SOX5: variants seen among roughly 807,000 people sequenced by gnomAD.
SOX5 encodes transcription factor SOX-5.
A neutral mutation model predicts 92.0 loss-of-function variants in SOX5; 9 were observed. The ratio of observed to expected loss-of-function variants is 0.10; its 90% CI spans 0.06 to 0.17. SOX5 has a LOEUF of 0.17. SOX5 is among the 10% of genes least tolerant of loss of function. SOX5 has a pLI of 1.00. For missense variants in SOX5, 642 were observed against 944.5 expected, an observed-to-expected ratio of 0.68 and a Z score of 4.20; for synonymous variants, 344 against 336.3, an observed-to-expected ratio of 1.02 and a Z score of -0.25.
intron 7 of SOX5, among the ~76,000 whole-genome samples, chr12:23,653,738 T>G (rs2081975813): frequency 6.6e-6 from 1 of 152,080 alleles, no homozygotes; most frequent in South Asian, 2.1e-4. Context: ...TATAAGGACT[T>G]TGCCCTCATG....
In SOX5 at chr12:23,572,340, C is replaced by G. The variant is rs186532863; in HGVS notation, c.1342+3321G>C. Among the ~76,000 whole-genome samples, 880 of 152,066 alleles carry G rather than the reference C, an allele frequency of 5.8e-3. 11 individuals are homozygous for G. Among genetic ancestry groups the G allele is most frequent in the African/African-American group, 0.02 (837 of 41,472 alleles). ...CAGCTTTTATCCAACTACATTATTA[C>G]TCATTAAAGTTTCAGCTTTCAACAT... On this transcript the variant is annotated intron_variant, in intron 10 of 14. Coordinates refer to ENST00000451604, the MANE Select transcript of SOX5 (RefSeq NM_006940.6).
chr12:24,474,756 G>A (rs11613878), intron 1 of SOX5, among the ~76,000 whole-genome samples: 8,815 of 151,896 alleles, frequency 0.058, 304 homozygotes, highest in African/African-American at 0.091. Flanking sequence ...TGCTGGTCTC[G>A]AACTCCTGAC....
At chr12:23,839,828 TAA>T (rs34051233) in intron 3 of SOX5, among the ~76,000 whole-genome samples, 102 of 146,630 alleles carry the variant, frequency 7.0e-4, no homozygotes, top group African/African-American at 2.0e-3. Context: ...CTCAACTTGG[TAA>T]AAAAAAAAAA....
chr12:23,954,764 A>G (rs911966139), upstream of SOX5, among the ~76,000 whole-genome samples: 2 of 152,074 alleles, frequency 1.3e-5, no homozygotes, highest in Non-Finnish European at 2.9e-5. Flanking sequence ...TAGAATACAC[A>G]GATGAATTGT....
chr12:24,352,502 G>A (rs541980816), intron 2 of SOX5, among the ~76,000 whole-genome samples: 9 of 152,252 alleles, frequency 5.9e-5, no homozygotes, highest in African/African-American at 1.4e-4. Flanking sequence ...CAGGGCTGGC[G>A]GCGGCTAGAG....
chr12:23,806,933 G>A, intron 3 of SOX5, among the ~76,000 whole-genome samples: 1 of 151,946 alleles, frequency 6.6e-6, no homozygotes. Flanking sequence ...TTTGTTTTTT[G>A]CAATCTTTTC....
chr12:23,923,524 C>T (rs1939070743), intron 1 of SOX5, among the ~76,000 whole-genome samples: 1 of 152,044 alleles, frequency 6.6e-6, no homozygotes, highest in African/African-American at 2.4e-5. Context: ...TAGCACTGAG[C>T]CATGAGGATG....
intron 7 of SOX5, among the ~76,000 whole-genome samples, chr12:23,663,588 T>C (rs2083368185): frequency 6.6e-6 from 1 of 152,186 alleles, no homozygotes; most frequent in African/African-American, 2.4e-5. Context: ...TATATGTATA[T>C]ATTACAGATG....
At chr12:23,801,093 C>T (rs370280699) in intron 3 of SOX5, among the ~76,000 whole-genome samples, 7 of 152,232 alleles carry the variant, frequency 4.6e-5, no homozygotes, top group East Asian at 1.9e-4. Context: ...AGCCATACTA[C>T]GAATAGGAAG....
chr12:23,999,995 A>G (rs1263244276), intron 4 of SOX5, among the ~76,000 whole-genome samples: 1 of 151,892 alleles, frequency 6.6e-6, no homozygotes, highest in Admixed American at 6.6e-5. Context: ...ATCATCTCTT[A>G]AAGGGTTTAT....
chr12:24,346,096 C>A (rs1953196392), intron 2 of SOX5, among the ~76,000 whole-genome samples: 1 of 152,222 alleles, frequency 6.6e-6, no homozygotes, highest in Non-Finnish European at 1.5e-5. Flanking sequence ...TGTATTTCTG[C>A]ATTACTTCAA....
rs556413769 is a variant in SOX5, at chr12:24,394,643, A to G, written c.-250-26004T>C. The stretch of plus-strand genomic sequence containing the variant: ...AATTAATATTTGTACAAATATCCAT[A>G]TCTCTATCTGATTGTGATGAAGTAT... On this transcript the variant is annotated intron_variant, in intron 1 of 4. Transcript: ENST00000446891. Among the ~76,000 whole-genome samples, 274 of 152,270 alleles carry G rather than the reference A, an allele frequency of 1.8e-3. 1 individual carries two copies. The highest frequency in any genetic ancestry group is 3.3e-3 in the Non-Finnish European group (225 of 68,018).
chr12:23,559,858 C>G (rs1027374550), intron 11 of SOX5, among the ~76,000 whole-genome samples: 2 of 152,026 alleles, frequency 1.3e-5, no homozygotes, highest in African/African-American at 4.8e-5. Flanking sequence ...TCTGCTTTAT[C>G]TCTCTCACTC....
At chr12:24,170,653 T>C (rs751042293) in intron 4 of SOX5, among the ~76,000 whole-genome samples, 16 of 152,202 alleles carry the variant, frequency 1.1e-4, no homozygotes, top group Non-Finnish European at 2.2e-4. Context: ...TTGGTTTGCA[T>C]TTAAACAAAA....
intron 6 of SOX5, among the ~76,000 whole-genome samples, chr12:23,672,192 T>C (rs1332396730): frequency 6.6e-6 from 1 of 152,056 alleles, no homozygotes; most frequent in Non-Finnish European, 1.5e-5. Flanking sequence ...AGGGCTGATA[T>C]AGCCAAAATA....
chr12:24,481,166 A>G (rs184079258), intron 1 of SOX5, among the ~76,000 whole-genome samples: 106 of 152,316 alleles, frequency 7.0e-4, no homozygotes, highest in African/African-American at 2.5e-3. Flanking sequence ...AGAAAGAAAA[A>G]CATTGCATAT....
intron 2 of SOX5, among the ~76,000 whole-genome samples, chr12:24,362,274 C>G (rs1029333462): frequency 6.6e-6 from 1 of 151,720 alleles, no homozygotes; most frequent in African/African-American, 2.4e-5. Context: ...AATATCACAG[C>G]CAAAAAAATA....
intron 1 of SOX5, among the ~76,000 whole-genome samples, chr12:24,415,096 C>A (rs145726707): frequency 6.6e-6 from 1 of 152,060 alleles, no homozygotes; most frequent in Non-Finnish European, 1.5e-5. Flanking sequence ...CTGTGTAAAT[C>A]CCCCCCTGCT....
intron 3 of SOX5, among the ~76,000 whole-genome samples, chr12:23,820,925 T>C (rs2096099994): frequency 6.6e-6 from 1 of 152,216 alleles, no homozygotes; most frequent in Non-Finnish European, 1.5e-5. Flanking sequence ...GAGTTCCATA[T>C]GAAATTTGAA....
Sources: allele counts gnomAD v4.1 joint callset (sites outside exome capture counted in the v4.1 genomes callset), GRCh38; gene constraint gnomAD v4.1.1; transcripts MANE v1.5; gene names NCBI Gene and HGNC (gene_info 2026-07-23, HGNC 2026-07-21).